PRKG1: variants seen among roughly 807,000 people sequenced by gnomAD.
The protein encoded by PRKG1 is protein kinase cGMP-dependent 1.
In PRKG1, 35 loss-of-function variants were observed where a neutral mutation model predicts 88.1. The observed-to-expected ratio is 0.40, with a 90% CI of 0.30 to 0.53. The LOEUF (loss-of-function observed/expected upper bound fraction) is 0.53. PRKG1 is among the 20% of genes least tolerant of loss of function. PRKG1 has a pLI of 0.59. For missense variants in PRKG1, 540 were observed against 839.8 expected, an observed-to-expected ratio of 0.64 and a Z score of 4.41; for synonymous variants, 303 against 292.5, an observed-to-expected ratio of 1.04 and a Z score of -0.37.
chr10:52,058,521 A>C (rs1278455158), intron 6 of PRKG1, among the ~76,000 whole-genome samples: 1 of 152,074 alleles, frequency 6.6e-6, no homozygotes, highest in Non-Finnish European at 1.5e-5. Context: ...AACGTACTTA[A>C]GGTGAGAAAC....
intron 4 of PRKG1, among the ~76,000 whole-genome samples, chr10:51,857,583 T>C (rs1364114551): frequency 1.3e-5 from 2 of 152,074 alleles, no homozygotes; most frequent in South Asian, 2.1e-4. Context: ...TGAACAGCAG[T>C]TGGGAATGGG....
intron 3 of PRKG1, among the ~76,000 whole-genome samples, chr10:51,471,340 A>G (rs1269749291): frequency 6.6e-6 from 1 of 151,852 alleles, no homozygotes; most frequent in African/African-American, 2.4e-5. Flanking sequence ...TTTTATCTAA[A>G]TATTTTGAAA....
At chr10:51,978,738 C>A (rs1205874125) in intron 5 of PRKG1, among the ~76,000 whole-genome samples, 2 of 151,994 alleles carry the variant, frequency 1.3e-5, no homozygotes, top group Non-Finnish European at 2.9e-5. Context: ...GATGGGACTG[C>A]ATTCCTGATT....
At chr10:51,847,813 G>A (rs1003107015) in intron 4 of PRKG1, among the ~76,000 whole-genome samples, 1 of 108,932 alleles carries the variant, frequency 9.2e-6, no homozygotes, top group Admixed American at 1.2e-4. Context: ...GCCAGCCTGG[G>A]CAACATAGAG....
intron 3 of PRKG1, among the ~76,000 whole-genome samples, chr10:51,667,967 C>CT (rs144189819): frequency 1.9e-4 from 29 of 149,960 alleles, no homozygotes; most frequent in African/African-American, 2.2e-4. Context: ...TTTTCCAGCT[C>CT]TTTTTTTTTT....
At chr10:52,219,741 A>G (rs1840197819) in intron 9 of PRKG1, among the ~76,000 whole-genome samples, 1 of 152,228 alleles carries the variant, frequency 6.6e-6, no homozygotes, top group Admixed American at 6.6e-5. Context: ...TACTGAGGGC[A>G]AAATAATAAT....
At chr10:51,675,721 A>G (rs1840694274) in intron 3 of PRKG1, among the ~76,000 whole-genome samples, 1 of 152,200 alleles carries the variant, frequency 6.6e-6, no homozygotes, top group Non-Finnish European at 1.5e-5. Context: ...GCTAATTTGG[A>G]TACATTTAAA....
intron 3 of PRKG1, among the ~76,000 whole-genome samples, chr10:51,493,215 G>A (rs781640011): frequency 5.9e-5 from 9 of 151,958 alleles, no homozygotes; most frequent in Admixed American, 3.3e-4. Flanking sequence ...CTCCAAAAAA[G>A]GATTAGCAAT....
At chr10:51,631,014 C>A (rs933738927) in intron 3 of PRKG1, among the ~76,000 whole-genome samples, 1 of 152,162 alleles carries the variant, frequency 6.6e-6, no homozygotes, top group Non-Finnish European at 1.5e-5. Context: ...CTCCATGTGG[C>A]AAAGCAGTTT....
At chr10:51,594,987 G>A (rs1004792297) in intron 3 of PRKG1, among the ~76,000 whole-genome samples, 6 of 152,154 alleles carry the variant, frequency 3.9e-5, no homozygotes, top group Admixed American at 1.3e-4. Context: ...ATGATTTAGA[G>A]TTATGAAATG....
At chr10:52,089,003 A>C (rs1846985166) in intron 7 of PRKG1, among the ~76,000 whole-genome samples, 1 of 152,214 alleles carries the variant, frequency 6.6e-6, no homozygotes, top group African/African-American at 2.4e-5. Context: ...GTATTTAAAA[A>C]ATGTTATACA....
intron 7 of PRKG1, among the ~76,000 whole-genome samples, chr10:52,110,416 T>C (rs1188638296): frequency 6.6e-6 from 1 of 151,658 alleles, no homozygotes; most frequent in African/African-American, 2.4e-5. Flanking sequence ...TTGTACTCTA[T>C]TGGGAACATG....
chr10:51,925,481 A>G (rs1248410825), intron 5 of PRKG1, among the ~76,000 whole-genome samples: 1 of 151,998 alleles, frequency 6.6e-6, no homozygotes, highest in Non-Finnish European at 1.5e-5. Context: ...AGTTATGCAT[A>G]CCCCTTTCTC....
chr10:51,984,283 T>C lies in PRKG1; in HGVS notation c.763-70201T>C, dbSNP rs537856115. On this transcript the variant is annotated intron_variant, in intron 5 of 17. Coordinates refer to ENST00000373980, the MANE Select transcript of PRKG1 (RefSeq NM_006258.4). ...ATTCAAAATTCGTGTAATTCAAAAC[T>C]AATTTTAAAGATTGGCCAGTGTTAT... is the stretch of plus-strand genomic sequence containing the variant. Among the ~76,000 whole-genome samples the C allele has an allele frequency of 2.0e-5, 3 of 152,356 alleles. No individual in the cohort carries two copies. The South Asian group carries it at 6.2e-4, about 32-fold the overall frequency.
intron 9 of PRKG1, among the ~76,000 whole-genome samples, chr10:52,248,905 C>CTTT (rs1057496342): frequency 6.7e-6 from 1 of 148,284 alleles, no homozygotes; most frequent in African/African-American, 2.5e-5. Flanking sequence ...TTTCCTTTCT[C>CTTT]TTTTCTTTCC....
chr10:51,220,024 C>T (rs1385141144), intron 2 of PRKG1, among the ~76,000 whole-genome samples: 1 of 152,102 alleles, frequency 6.6e-6, no homozygotes, highest in African/African-American at 2.4e-5. Flanking sequence ...ACTTTACCAG[C>T]TCCTGGCAGA....
chr10:51,852,886 G>C (rs1206080117), intron 4 of PRKG1, among the ~76,000 whole-genome samples: 1 of 152,052 alleles, frequency 6.6e-6, no homozygotes, highest in Admixed American at 6.6e-5. Flanking sequence ...GTTTTTTCTA[G>C]ATGAGTTTTT....
chr10:51,305,945 G>A (rs1841025307), intron 2 of PRKG1, among the ~76,000 whole-genome samples: 1 of 152,160 alleles, frequency 6.6e-6, no homozygotes, highest in African/African-American at 2.4e-5. Flanking sequence ...ACTATTGGAA[G>A]CCTCAGGTCA....
intron 5 of PRKG1, among the ~76,000 whole-genome samples, chr10:52,029,236 C>T (rs1283567317): frequency 2.6e-5 from 4 of 152,174 alleles, no homozygotes; most frequent in Non-Finnish European, 5.9e-5. Flanking sequence ...CATAAACACA[C>T]AGTCTCTCTT....
Sources: gnomAD v4.1 joint callset for allele counts (sites outside exome capture counted in the v4.1 genomes callset) on GRCh38, gnomAD v4.1.1 for gene constraint, MANE v1.5 for transcripts, NCBI Gene and HGNC (gene_info 2026-07-23, HGNC 2026-07-21) for gene names.